Variants in IL6R observed in about 807,000 individuals in gnomAD.
IL6R encodes interleukin-6 receptor subunit alpha.
Under a neutral mutation model 48.3 loss-of-function variants are expected in IL6R, and 38 were observed. That is an observed-to-expected ratio of 0.79 (90% confidence interval 0.61 to 1.03). IL6R has a LOEUF of 1.03. IL6R is among the 50% of genes least tolerant of loss of function. IL6R has a pLI of 0.00. For missense variants in IL6R, 534 were observed against 618.3 expected (o/e 0.86, Z 1.45); for synonymous variants, 264 against 256.2 (o/e 1.03, Z -0.29).
At chr1:154,445,567 G>A (rs943222154) in intron 6 of IL6R, among the ~76,000 whole-genome samples, 6 of 152,052 alleles carry the variant, frequency 3.9e-5, no homozygotes, top group African/African-American at 1.4e-4. Flanking sequence ...TGGCTAACAC[G>A]GTGAAACCCC....
rs369512057 is a variant in IL6R at position 154,448,186 on chromosome 1, T to C, written c.996+15T>C. On this transcript the variant is annotated intron_variant, in intron 7 of 9. Coordinates refer to ENST00000368485, the MANE Select transcript of IL6R (RefSeq NM_000565.4). ...CCCCCATGCAGGTGAGCTCCTGTTC[T>C]TGTAAAAGGGTCAGGGCTGCAGCAC... 20 of 1,610,262 alleles carry C rather than the reference T, an allele frequency of 1.2e-5. No homozygotes were observed. Among genetic ancestry groups the C allele is most frequent in the Non-Finnish European group, 1.5e-5 (18 of 1,176,996 alleles).
intron 6 of IL6R, chr1:154,445,129 G>A (rs1188908724): frequency 4.4e-6 from 2 of 456,148 alleles, no homozygotes; most frequent in East Asian, 1.4e-4. Context: ...TCCTCAGTGA[G>A]GTTTATTTAT....
intron 6 of IL6R, among the ~76,000 whole-genome samples, chr1:154,445,578 G>C (rs558543251): frequency 6.6e-6 from 1 of 152,112 alleles, no homozygotes; most frequent in African/African-American, 2.4e-5. Context: ...GTGAAACCCC[G>C]TCTCTACTAA....
At chr1:154,427,014 G>T (rs771859835) in intron 1 of IL6R, among the ~76,000 whole-genome samples, 1 of 151,858 alleles carries the variant, frequency 6.6e-6, no homozygotes. Flanking sequence ...CGCCTCCCTG[G>T]TTCAAGCAAT....
At chr1:154,420,879 G>A (rs1408929544) in intron 1 of IL6R, among the ~76,000 whole-genome samples, 1 of 152,180 alleles carries the variant, frequency 6.6e-6, no homozygotes, top group Non-Finnish European at 1.5e-5. Flanking sequence ...CAGACTGTAC[G>A]TTTGTGTCAG....
intron 6 of IL6R, among the ~76,000 whole-genome samples, chr1:154,442,355 GAAA>G (rs1175819968): frequency 6.6e-6 from 1 of 152,216 alleles, no homozygotes; most frequent in African/African-American, 2.4e-5. Flanking sequence ...GTCCCAGACA[GAAA>G]ATGGGGATTG....
intron 1 of IL6R, among the ~76,000 whole-genome samples, chr1:154,422,229 A>G (rs1688711874): frequency 2.6e-5 from 4 of 152,340 alleles, no homozygotes; most frequent in Admixed American, 2.6e-4. Flanking sequence ...GGCGTGAGCC[A>G]CGGCGCCTGG....
At chr1:154,412,288 G>T (rs1323681207) in intron 1 of IL6R, among the ~76,000 whole-genome samples, 1 of 129,742 alleles carries the variant, frequency 7.7e-6, no homozygotes, top group Non-Finnish European at 1.7e-5. Context: ...GAGTCTCACT[G>T]TGTTGCCCAG....
intron 1 of IL6R, chr1:154,414,645 G>A (rs995381148): frequency 1.2e-5 from 10 of 830,576 alleles, no homozygotes; most frequent in South Asian, 4.2e-5. Flanking sequence ...CGATGAAGAC[G>A]GTGTAGCTCT....
chr1:154,452,443 T>C (rs980184433), intron 8 of IL6R, among the ~76,000 whole-genome samples: 3 of 152,214 alleles, frequency 2.0e-5, no homozygotes, highest in African/African-American at 7.2e-5. Context: ...TGGACACGCT[T>C]CCTCTGACAT....
chr1:154,409,131 T>C (rs1687890174), intron 1 of IL6R, among the ~76,000 whole-genome samples: 1 of 152,120 alleles, frequency 6.6e-6, no homozygotes, highest in African/African-American at 2.4e-5. Flanking sequence ...GGAGACCCTG[T>C]CTCCAAAAAA....
At chr1:154,458,449 C>T (rs764726718) in intron 9 of IL6R, among the ~76,000 whole-genome samples, 5 of 152,196 alleles carry the variant, frequency 3.3e-5, no homozygotes, top group Non-Finnish European at 7.4e-5. Flanking sequence ...GATTCCTTGC[C>T]TCACCCTAGG....
intron 9 of IL6R, among the ~76,000 whole-genome samples, chr1:154,459,494 G>C (rs1158042461): frequency 6.6e-6 from 1 of 152,188 alleles, no homozygotes; most frequent in Non-Finnish European, 1.5e-5. Context: ...CAAAATGGCT[G>C]AACCATGGTT....
At chr1:154,425,513 T>A (rs992480068) in intron 1 of IL6R, among the ~76,000 whole-genome samples, 4 of 151,978 alleles carry the variant, frequency 2.6e-5, no homozygotes, top group Non-Finnish European at 2.9e-5. Flanking sequence ...CAGGTTGTCA[T>A]CCCTCTAATC....
At chr1:154,412,661 T>A (rs1296791979) in intron 1 of IL6R, among the ~76,000 whole-genome samples, 2 of 152,224 alleles carry the variant, frequency 1.3e-5, no homozygotes, top group East Asian at 3.8e-4. Flanking sequence ...ATAATTAAAA[T>A]CGCTTAACAT....
chr1:154,438,921 CAAGG>C (rs1689783180), intron 6 of IL6R, among the ~76,000 whole-genome samples: 1 of 152,186 alleles, frequency 6.6e-6, no homozygotes, highest in African/African-American at 2.4e-5. Flanking sequence ...CAGACCTGGA[CAAGG>C]AGTGGGGCCT....
rs78173632 is a variant in IL6R, at chr1:154,418,308, C to T, written c.86-10888C>T. Reference sequence around the variant, plus strand: ...TTTTATCTCCTGAGTTGGTCACACGCGCACGTGGGTCTCTGAGTCAGCATT... The same window carrying T: ...TTTTATCTCCTGAGTTGGTCACACGTGCACGTGGGTCTCTGAGTCAGCATT... On this transcript the variant is annotated intron_variant, in intron 1 of 9. Transcript: ENST00000368485. 916 of 455,370 alleles carry T rather than the reference C, an allele frequency of 2.0e-3. 37 individuals carry two copies. The East Asian group carries it at 0.087, about 43-fold the overall frequency. The allele number at this position is 455,370 out of a possible 1,614,324, so 28.2% of individuals were successfully genotyped here. A position where few individuals can be genotyped will look rare whatever the true frequency, so the allele number is the denominator to read the frequency against.
rs35079361 is a variant in IL6R, at chr1:154,423,260, A to AATATATATATAT, written c.86-5923_86-5912dup. Among the ~76,000 whole-genome samples, 419 of 85,420 alleles carry AATATATATATAT rather than the reference A, an allele frequency of 4.9e-3. 24 individuals are homozygous for AATATATATATAT. Among genetic ancestry groups the AATATATATATAT allele is most frequent in the African/African-American group, 9.7e-3 (254 of 26,088 alleles). The allele number at this position is 85,420 out of a possible 152,430, so 56.0% of individuals were successfully genotyped here. On this transcript the variant is annotated intron_variant, in intron 1 of 9. Transcript: ENST00000368485. ...CCAGGCTATGTAGCTTGTTTAATTA[A>AATATATATATAT]ATATATATATATATATATATATATG...
intron 6 of IL6R, among the ~76,000 whole-genome samples, chr1:154,440,392 C>T (rs1398951159): frequency 6.6e-6 from 1 of 152,094 alleles, no homozygotes; most frequent in Non-Finnish European, 1.5e-5. Context: ...TAGATTCCTG[C>T]TTTCAGTTCT....
Sources: allele counts gnomAD v4.1 joint callset (sites outside exome capture counted in the v4.1 genomes callset), GRCh38; gene constraint gnomAD v4.1.1; transcripts MANE v1.5; gene names NCBI Gene and HGNC (gene_info 2026-07-23, HGNC 2026-07-21).